Variants in FDPS observed in about 807,000 individuals in gnomAD.
The protein encoded by FDPS is farnesyl diphosphate synthase, also known as farnesyl pyrophosphate synthase.
In FDPS, 29 loss-of-function variants were observed where a neutral mutation model predicts 49.5. That is an observed-to-expected ratio of 0.59 (90% CI 0.44 to 0.80). FDPS has a LOEUF of 0.80. Among genes scored for constraint, FDPS ranks in the 30% least tolerant of loss-of-function variants. The pLI, the probability that FDPS is intolerant of heterozygous loss-of-function variation, is 0.00. For missense variants in FDPS, 414 were observed against 525.6 expected, an observed-to-expected ratio of 0.79 and a Z score of 2.08; for synonymous variants, 172 against 206.4, an observed-to-expected ratio of 0.83 and a Z score of 1.43.
In FDPS at chr1:155,318,642, T is replaced by C. The variant is rs1320836060; in HGVS notation, c.685-23T>C. On this transcript the variant is annotated intron_variant, in intron 6 of 10. Transcript: ENST00000368356. The surrounding 1 kb of genome is among the most constrained non-coding windows in gnomAD (Gnocchi z 4.2). ...GCATATCTGGAGAAAGCCTGGCTCATGGACCGTCTTTGTCTTGCTTAGAGT... is the reference window on the plus strand; with the variant it reads ...GCATATCTGGAGAAAGCCTGGCTCACGGACCGTCTTTGTCTTGCTTAGAGT... 3.2e-6 allele frequency: 5 copies of C among 1,571,454 alleles called. No individual in the cohort carries two copies. The Admixed American group carries it at 6.7e-5, about 21-fold the overall frequency.
rs747656961 is a variant in FDPS at position 155,318,288 on chromosome 1, G to A, written c.681G>A (p.Leu227=). The A allele has an allele frequency of 6.2e-7, 1 of 1,611,184 alleles. No individual in the cohort carries two copies. Among genetic ancestry groups the A allele is most frequent in the Non-Finnish European group, 8.5e-7 (1 of 1,179,996 alleles). ...PYYLNLIELF[L]QSSYQTEIGQ... ...ACCTGAACCTGATCGAGCTCTTCCT[G>A]CAGGTGTATTGCAGACAGGGCCCGA... Residue 227 remains leucine (L), a synonymous_variant, in exon 6 of 11, where the codon CTG becomes CTA. Transcript: ENST00000368356. The surrounding 1 kb of genome is among the most constrained non-coding windows in gnomAD (Gnocchi z 4.2).
At chr1:155,320,381 C>A in intron 10 of FDPS, 28 bp from the exon 11 acceptor site, 2 of 1,597,682 alleles carry the variant, frequency 1.3e-6, no homozygotes, top group Non-Finnish European at 1.7e-6. Context: ...AGGCCAAGCC[C>A]GTTTTCCTGT....
chr1:155,314,260 A>G lies in FDPS; in HGVS notation c.480+1865A>G, dbSNP rs111621918. Among the ~76,000 whole-genome samples the G allele has an allele frequency of 4.2e-3, 635 of 150,286 alleles. 5 individuals carry two copies. The highest frequency in any genetic ancestry group is 0.015 in the African/African-American group (605 of 40,826). ...GAGTGCAGTGGCATGATCTTGGCTC[A>G]CTGCAATCTCTGCCTCTGGAGCGGA... On this transcript the variant is annotated intron_variant, in intron 4 of 10. Coordinates refer to ENST00000368356, the MANE Select transcript of FDPS (RefSeq NM_002004.4).
chr1:155,318,688 G>A lies in FDPS; in HGVS notation c.708G>A (p.Gly236=). 6.2e-7 allele frequency: 1 copy of A among 1,613,218 alleles called. No individual in the cohort carries two copies. Among genetic ancestry groups the A allele is most frequent in the Admixed American group, 1.7e-5 (1 of 59,942 alleles). Residue 236 remains glycine (G), a synonymous_variant, in exon 7 of 11, where the codon GGG becomes GGA. Transcript: ENST00000368356. This position sits in a 1 kb window ranked among gnomAD's most constrained non-coding sequence, Gnocchi z 4.2. ...AGAGTTCCTATCAGACTGAGATTGG[G>A]CAGACCCTGGACCTCCTCACAGCCC... is the stretch of plus-strand genomic sequence containing the variant. ...FLQSSYQTEI[G]QTLDLLTAPQ...
In FDPS at chr1:155,319,625, C is replaced by T. The variant is rs775781022; in HGVS notation, c.861C>T (p.Gly287=). 36 of 1,614,002 alleles carry T rather than the reference C, an allele frequency of 2.2e-5. No individual in the cohort carries two copies. Among genetic ancestry groups the T allele is most frequent in the South Asian group, 7.7e-5 (7 of 91,080 alleles). ...TTTCCCTGCAGGCAGGAATTGATGGCGAGAAGGAGCACGCCAATGCCAAGA... is the reference window on the plus strand; with the variant it reads ...TTTCCCTGCAGGCAGGAATTGATGGTGAGAAGGAGCACGCCAATGCCAAGA... ...AAAMYMAGID[G]EKEHANAKKI... The change falls in exon 9 of 11, where the codon GGC becomes GGT. Residue 287 remains glycine (G), a synonymous_variant. Coordinates refer to ENST00000368356, the MANE Select transcript of FDPS (RefSeq NM_002004.4).
intron 1 of FDPS, 177 bp from the exon 2 acceptor site, chr1:155,309,612 T>A: frequency 5.5e-6 from 3 of 543,726 alleles, no homozygotes; most frequent in South Asian, 3.5e-5. Flanking sequence ...CCAGCCATAC[T>A]TTTTTGTTCC....
intron 4 of FDPS, chr1:155,317,558 G>A (rs1005172195): frequency 2.3e-4 from 41 of 174,514 alleles, no homozygotes; most frequent in Admixed American, 1.7e-3. Context: ...AGCTCTGGCC[G>A]GCTGTGATGC....
chr1:155,314,378 C>T (rs1400609234), intron 4 of FDPS, among the ~76,000 whole-genome samples: 4 of 151,044 alleles, frequency 2.6e-5, no homozygotes, highest in African/African-American at 9.8e-5. Context: ...TAGGTTTCAC[C>T]ATGTTGCTGA....
intron 4 of FDPS, chr1:155,317,513 G>A (rs1346022499): frequency 1.9e-5 from 3 of 160,292 alleles, no homozygotes; most frequent in African/African-American, 7.2e-5. Flanking sequence ...TCCCCATCCT[G>A]ACTTTCCCAG....
intron 10 of FDPS, 103 bp downstream of exon 10, chr1:155,320,031 C>G: frequency 7.3e-7 from 1 of 1,373,838 alleles, no homozygotes; most frequent in Non-Finnish European, 1.0e-6. Flanking sequence ...TTGGCAATGT[C>G]AGCAGACATT....
intron 4 of FDPS, chr1:155,317,679 T>C: frequency 3.2e-6 from 1 of 314,000 alleles, no homozygotes. Flanking sequence ...CTACAAAAAA[T>C]AAATTAAAAA....
Position 155,319,602 on chromosome 1 carries a change from TC to T in FDPS, c.847-6del. On this transcript the variant is annotated splice_region_variant and splice_polypyrimidine_tract_variant and intron_variant, in intron 8 of 10. Coordinates refer to ENST00000368356, the MANE Select transcript of FDPS (RefSeq NM_002004.4). The stretch of plus-strand genomic sequence containing the variant: ...GGGGTTTGGCTTATTAACCCCCCTT[TC>T]CCTGCAGGCAGGAATTGATGGCGAG... 6.2e-7 allele frequency: 1 copy of T among 1,613,852 alleles called. No individual in the cohort carries two copies. The highest frequency in any genetic ancestry group is 2.2e-5 in the East Asian group (1 of 44,884).
intron 3 of FDPS, 61 bp downstream of exon 3, chr1:155,310,266 C>T: frequency 6.6e-7 from 1 of 1,517,344 alleles, no homozygotes; most frequent in South Asian, 1.1e-5. Flanking sequence ...ACCTGTGTGG[C>T]ATTCACCTGT....
intron 4 of FDPS, 169 bp from the exon 5 acceptor site, chr1:155,317,772 A>G: frequency 1.7e-6 from 1 of 578,638 alleles, no homozygotes; most frequent in East Asian, 2.9e-5. Context: ...TGAGCCTGGG[A>G]GTTAGAGGCT....
Position 155,320,503 on chromosome 1 carries a change from AAGAC to A in FDPS, c.1157_1160del (p.Asp386ValfsTer47), listed in dbSNP as rs1406017303. 1 of 1,614,004 alleles carries A rather than the reference AAGAC, an allele frequency of 6.2e-7. No individual in the cohort carries two copies. Among genetic ancestry groups the A allele is most frequent in the Non-Finnish European group, 8.5e-7 (1 of 1,180,020 alleles). On this transcript the variant is annotated frameshift_variant, in exon 11 of 11. Transcript: ENST00000368356. LOFTEE classifies it low-confidence loss of function (END_TRUNC). ...CCAGCAGTGTTCTTGCAATATGAGG[AAGAC>A]AGTTACAGCCACATTATGGCTCTCA...
chr1:155,312,749 G>C (rs940034260), intron 4 of FDPS: 5 of 194,688 alleles, frequency 2.6e-5, no homozygotes, highest in Admixed American at 1.6e-4. Flanking sequence ...GGGAGGCCAA[G>C]GGGGAGGATC....
rs1307013269 is a variant in FDPS at position 155,312,353 on chromosome 1, T to C, written c.438T>C (p.Asp146=). ...ELVEPRKQDA[D]SLQRAWTVGW... is the part of the protein sequence containing the mutation. ...TGGAGCCAAGGAAACAGGATGCTGA[T>C]AGTCTCCAGCGGGCCTGGACTGTGG... The change falls in exon 4 of 11, where the codon GAT becomes GAC. Residue 146 remains aspartate (D), a synonymous_variant. Coordinates refer to ENST00000368356, the MANE Select transcript of FDPS (RefSeq NM_002004.4). 2 of 1,614,088 alleles carry C rather than the reference T, an allele frequency of 1.2e-6. No homozygotes were observed. Among genetic ancestry groups the C allele is most frequent in the Non-Finnish European group, 1.7e-6 (2 of 1,180,004 alleles).
intron 4 of FDPS, 29 bp from the exon 5 acceptor site, chr1:155,317,912 C>G (rs761462039): frequency 1.3e-6 from 2 of 1,589,250 alleles, no homozygotes; most frequent in Admixed American, 1.7e-5. Context: ...TAATGAGGAG[C>G]CCTGCAGGTC....
Position 155,318,396 on chromosome 1 carries a change from C to T in FDPS, c.684+105C>T. ...TTTCAGGGTACAGGATTGCAGCGTG[C>T]CTGGAAGGGAAAGAAAGCGAGGAAG... On this transcript the variant is annotated intron_variant, in intron 6 of 10. Transcript: ENST00000368356. This position sits in a 1 kb window ranked among gnomAD's most constrained non-coding sequence, Gnocchi z 4.2. The T allele has an allele frequency of 1.4e-6, 2 of 1,453,014 alleles. No homozygotes were observed. The highest frequency in any genetic ancestry group is 2.3e-5 in the East Asian group (1 of 44,030). 90.0% of individuals were successfully genotyped at this position (1,453,014 alleles called of 1,614,324 possible). A position where few individuals can be genotyped will look rare whatever the true frequency, so the allele number is the denominator to read the frequency against.
Sources: allele counts gnomAD v4.1 joint callset (sites outside exome capture counted in the v4.1 genomes callset), GRCh38; gene constraint gnomAD v4.1.1; non-coding constraint Gnocchi (gnomAD v3.1); transcripts MANE v1.5; gene names NCBI Gene and HGNC (gene_info 2026-07-23, HGNC 2026-07-21).